The following AIPL1 variants were observed in gnomAD, a reference collection of about 807,000 sequenced individuals.
The protein encoded by AIPL1 is aryl-hydrocarbon-interacting protein-like 1.
A neutral mutation model predicts 32.9 loss-of-function variants in AIPL1; 23 were observed. That is an observed-to-expected ratio of 0.70 (90% CI 0.50 to 0.99). AIPL1 has a LOEUF of 0.99. Among genes scored for constraint, AIPL1 ranks in the 50% least tolerant of loss-of-function variants. The pLI is 0.00. For synonymous variants in AIPL1, 210 were observed against 209.4 expected (o/e 1.00, Z -0.02); for missense variants, 485 against 506.0 (o/e 0.96, Z 0.40).
intron 2 of AIPL1, among the ~76,000 whole-genome samples, chr17:6,433,464 A>G (rs9914193): frequency 0.094 from 14,332 of 152,090 alleles, 1,796 homozygotes; most frequent in African/African-American, 0.28. Flanking sequence ...GTGGTGGTGC[A>G]CCTGTAGTCC....
At position 6,428,318 on chromosome 17, in the gene AIPL1, C is replaced by A. The variant is rs758001091; in HGVS notation, c.465G>T (p.Gln155His). ...CCAGCCCTGCCAACCCCAGCCCCAC[C>A]TGCAGCAGCTCGATCACAAAGACCA... is the stretch of plus-strand genomic sequence containing the variant. ...QPLVFVIELL[Q>H]VDAPSDYQRE... The change falls in exon 3 of 6, where the codon CAG becomes CAT. Residue 155 changes from glutamine to histidine, a missense_variant and splice_region_variant. Coordinates refer to ENST00000381129, the MANE Select transcript of AIPL1 (RefSeq NM_014336.5). 1.2e-5 allele frequency: 20 copies of A among 1,607,332 alleles called. No individual in the cohort carries two copies. In the South Asian group the frequency reaches 2.2e-4, roughly 18 times the overall value.
chr17:6,426,857 C>T (rs764322043), intron 4 of AIPL1, 24 bp downstream of exon 4: 1 of 1,613,748 alleles, frequency 6.2e-7, no homozygotes, highest in Non-Finnish European at 8.5e-7. Flanking sequence ...CGCCACTTCC[C>T]ACCCCTGGCC....
chr17:6,433,633 A>T (rs1431903673), intron 2 of AIPL1, among the ~76,000 whole-genome samples: 3 of 140,292 alleles, frequency 2.1e-5, no homozygotes, highest in African/African-American at 5.3e-5. Context: ...ACACACACAC[A>T]CACACACACA....
chr17:6,426,388 C>G lies in AIPL1; in HGVS notation c.784+227G>C, dbSNP rs1378133964. On this transcript the variant is annotated intron_variant, in intron 5 of 5. Coordinates refer to ENST00000381129, the MANE Select transcript of AIPL1 (RefSeq NM_014336.5). ...CTGAAATCACAAGCTTGGCGAGCTT[C>G]CTGGGTAAGTGTTCAAACACACATT... is the stretch of plus-strand genomic sequence containing the variant. The G allele has an allele frequency of 2.1e-6, 3 of 1,424,466 alleles. No individual in the cohort carries two copies. The African/African-American group carries it at 4.3e-5, about 20-fold the overall frequency. 88.2% of individuals were successfully genotyped at this position (1,424,466 alleles called of 1,614,324 possible).
intron 3 of AIPL1, among the ~76,000 whole-genome samples, 177 bp downstream of exon 3, chr17:6,428,141 A>G (rs772132629): frequency 5.3e-5 from 8 of 152,226 alleles, no homozygotes; most frequent in Non-Finnish European, 7.3e-5. Context: ...TTCTTGTGGA[A>G]AAATCAGAGG....
intron 5 of AIPL1, chr17:6,426,243 T>C: frequency 7.8e-7 from 1 of 1,278,532 alleles, no homozygotes. Flanking sequence ...GATTCGAGCA[T>C]TAAGTCAATA....
chr17:6,425,593 T>C lies in AIPL1; in HGVS notation c.1022A>G (p.Glu341Gly). 6.2e-7 allele frequency: 1 copy of C among 1,613,380 alleles called. No individual in the cohort carries two copies. Among genetic ancestry groups the C allele is most frequent in the Non-Finnish European group, 8.5e-7 (1 of 1,179,792 alleles). ...CTCTGTGGATGACTGTGCGGGTGGC[T>C]CTGTGGGTGGCTCTGCGGGAGGCTG... ...ATQPPAEPPT[E>G]PPAQSSTEPP... The change falls in exon 6 of 6, where the codon GAG becomes GGG. Residue 341 changes from glutamate (E) to glycine (G), a missense_variant. Physicochemically the swap from Glu to Gly is moderately conservative, Grantham distance 98. Coordinates refer to ENST00000381129, the MANE Select transcript of AIPL1 (RefSeq NM_014336.5).
intron 2 of AIPL1, among the ~76,000 whole-genome samples, chr17:6,432,400 A>C (rs1447631481): frequency 6.6e-6 from 1 of 152,072 alleles, no homozygotes; most frequent in Non-Finnish European, 1.5e-5. Context: ...AAAGAAAAGA[A>C]GGAAGTAGAC....
intron 2 of AIPL1, among the ~76,000 whole-genome samples, chr17:6,428,845 G>A (rs904374030): frequency 2.0e-5 from 3 of 152,214 alleles, no homozygotes; most frequent in Non-Finnish European, 2.9e-5. Context: ...GTTAGCCTCC[G>A]GCTGCCTCTT....
chr17:6,428,045 C>G (rs1912168336), intron 3 of AIPL1, among the ~76,000 whole-genome samples: 1 of 152,014 alleles, frequency 6.6e-6, no homozygotes, highest in South Asian at 2.1e-4. Flanking sequence ...GTCTCGAACT[C>G]CTGACCTCAG....
rs758622569 is a variant in AIPL1 at position 6,433,611 on chromosome 17, T to TCTCTCTCTCA, written c.276+307_276+308insTGAGAGAGAG. Among the ~76,000 whole-genome samples the TCTCTCTCTCA allele has an allele frequency of 2.7e-3, 292 of 106,294 alleles. 4 individuals are homozygous for TCTCTCTCTCA. The highest frequency in any genetic ancestry group is 8.7e-3 in the African/African-American group (233 of 26,922). The allele number at this position is 106,294 out of a possible 152,430, so 69.7% of individuals were successfully genotyped here. ...ATCTCTCTCTCTCTCTCTCTCTCTC[T>TCTCTCTCTCA]CACACACACACACACACACACACAC... is the stretch of plus-strand genomic sequence containing the variant. On this transcript the variant is annotated intron_variant, in intron 2 of 5. Transcript: ENST00000381129.
intron 3 of AIPL1, 51 bp downstream of exon 3, chr17:6,428,267 T>C: frequency 6.3e-7 from 1 of 1,596,680 alleles, no homozygotes; most frequent in Non-Finnish European, 8.5e-7. Flanking sequence ...ATGCCCGCTG[T>C]CCCTCTCCAG....
chr17:6,427,980 C>T (rs527559779), intron 3 of AIPL1, among the ~76,000 whole-genome samples: 1 of 152,002 alleles, frequency 6.6e-6, no homozygotes, highest in East Asian at 1.9e-4. Context: ...CCACCACACC[C>T]GGTTAATTTT....
intron 2 of AIPL1, among the ~76,000 whole-genome samples, chr17:6,429,861 TAG>T (rs1367666938): frequency 2.0e-5 from 3 of 148,536 alleles, no homozygotes; most frequent in Non-Finnish European, 3.0e-5. Context: ...GATAGATAGA[TAG>T]ATAGATAATA....
rs889325221 is a variant in AIPL1 at position 6,426,238 on chromosome 17, G to A, written c.784+377C>T. On this transcript the variant is annotated intron_variant, in intron 5 of 5. Coordinates refer to ENST00000381129, the MANE Select transcript of AIPL1 (RefSeq NM_014336.5). ...GATGTTTTTACTGTGAGCACGATTC[G>A]AGCATTAAGTCAATACTAGTACTGA... is the stretch of plus-strand genomic sequence containing the variant. 39 of 1,274,858 alleles carry A rather than the reference G, an allele frequency of 3.1e-5. No individual in the cohort carries two copies. The South Asian group carries it at 3.8e-4, about 12-fold the overall frequency. The allele number at this position is 1,274,858 out of a possible 1,614,324, so 79.0% of individuals were successfully genotyped here. A position where few individuals can be genotyped will look rare whatever the true frequency, so the allele number is the denominator to read the frequency against.
intron 2 of AIPL1, among the ~76,000 whole-genome samples, chr17:6,431,510 G>A (rs1010811166): frequency 2.0e-5 from 3 of 151,814 alleles, no homozygotes; most frequent in African/African-American, 7.3e-5. Flanking sequence ...TAATTGCCCT[G>A]TATTATGATC....
At chr17:6,427,901 C>T (rs1017877159) in intron 3 of AIPL1, among the ~76,000 whole-genome samples, 18 of 152,002 alleles carry the variant, frequency 1.2e-4, no homozygotes, top group Admixed American at 3.3e-4. Context: ...CTGCAACCTC[C>T]ACTTCCCAGG....
At chr17:6,431,458 A>G (rs1912598473) in intron 2 of AIPL1, among the ~76,000 whole-genome samples, 1 of 133,026 alleles carries the variant, frequency 7.5e-6, no homozygotes, top group Non-Finnish European at 1.5e-5. Flanking sequence ...TCCATCTCAG[A>G]AAAAAAAAAA....
At chr17:6,433,864 T>C in intron 2 of AIPL1, 55 bp downstream of exon 2, 2 of 1,579,686 alleles carry the variant, frequency 1.3e-6, no homozygotes, top group South Asian at 2.3e-5. Flanking sequence ...GCAAAGCGGG[T>C]GGGTGAGCCC....
Sources: allele counts gnomAD v4.1 joint callset (sites outside exome capture counted in the v4.1 genomes callset), GRCh38; gene constraint gnomAD v4.1.1; transcripts MANE v1.5; gene names NCBI Gene and HGNC (gene_info 2026-07-23, HGNC 2026-07-21).